Variants in PACRG observed in about 807,000 individuals in gnomAD.
PACRG encodes the protein parkin coregulated, also known as parkin coregulated gene protein.
In PACRG, 29 loss-of-function variants were observed where a neutral mutation model predicts 29.7. That is an observed-to-expected ratio of 0.98 (90% CI 0.73 to 1.33). PACRG has a LOEUF of 1.33. PACRG is among the 40% of genes most tolerant of loss of function. The pLI is 0.00. For synonymous variants in PACRG, 116 were observed against 118.7 expected (o/e 0.98, Z 0.15); for missense variants, 279 against 316.2 (o/e 0.88, Z 0.89).
At chr6:162,827,484 A>G (rs1241487894) in intron 2 of PACRG, among the ~76,000 whole-genome samples, 2 of 152,214 alleles carry the variant, frequency 1.3e-5, no homozygotes, top group African/African-American at 2.4e-5. Flanking sequence ...TGTCTGGCCA[A>G]TAATATTAGA....
chr6:162,998,553 G>A (rs1020019194), intron 2 of PACRG, among the ~76,000 whole-genome samples: 3 of 152,204 alleles, frequency 2.0e-5, no homozygotes, highest in Admixed American at 2.0e-4. Flanking sequence ...AGAAGTCTTT[G>A]TCCATTCTTC....
At chr6:163,120,688 G>T in intron 4 of PACRG, among the ~76,000 whole-genome samples, 1 of 149,074 alleles carries the variant, frequency 6.7e-6, no homozygotes, top group Non-Finnish European at 1.5e-5. Context: ...TTCTTTTTAA[G>T]AAAAAAAAAA....
intron 1 of PACRG, among the ~76,000 whole-genome samples, chr6:162,787,582 GTATATATATATATA>G (rs869254835): frequency 2.1e-4 from 13 of 62,418 alleles, no homozygotes; most frequent in Admixed American, 7.6e-4. Flanking sequence ...GTGTGTGTGT[GTATATATATATATA>G]TATATATATA....
At chr6:163,251,575 G>A (rs79832973) in intron 4 of PACRG, among the ~76,000 whole-genome samples, 1,673 of 152,170 alleles carry the variant, frequency 0.011, 33 homozygotes, top group African/African-American at 0.037. Context: ...TGTATTAATC[G>A]TCCTCTTCTT....
At chr6:162,897,507 G>A (rs1341232504) in intron 2 of PACRG, among the ~76,000 whole-genome samples, 1 of 152,160 alleles carries the variant, frequency 6.6e-6, no homozygotes, top group African/African-American at 2.4e-5. Context: ...CCAGGGAGTA[G>A]ACAGTGAATT....
At chr6:162,900,317 C>T (rs1795469387) in intron 2 of PACRG, among the ~76,000 whole-genome samples, 1 of 152,096 alleles carries the variant, frequency 6.6e-6, no homozygotes, top group South Asian at 2.1e-4. Context: ...TCTCTTCTTG[C>T]CTCAAACTTT....
chr6:162,791,303 G>GTTTTTTTT (rs1272846363), intron 1 of PACRG, among the ~76,000 whole-genome samples: 13 of 85,088 alleles, frequency 1.5e-4, no homozygotes, highest in African/African-American at 6.5e-4. Context: ...CTCCTAGTTT[G>GTTTTTTTT]TTTGTTTGTT....
intron 4 of PACRG, among the ~76,000 whole-genome samples, chr6:163,153,436 C>G (rs749699124): frequency 6.6e-6 from 1 of 152,118 alleles, no homozygotes; most frequent in Non-Finnish European, 1.5e-5. Flanking sequence ...ATGCTCCTTT[C>G]AAAATTGTTT....
intron 2 of PACRG, among the ~76,000 whole-genome samples, chr6:162,970,531 G>A (rs9355417): frequency 0.57 from 85,884 of 151,824 alleles, 24,588 homozygotes; most frequent in Middle Eastern, 0.71. Flanking sequence ...CAGTTTCCCA[G>A]CCTCTCTTCC....
At chr6:162,963,295 T>G (rs1474768996) in intron 2 of PACRG, among the ~76,000 whole-genome samples, 1 of 152,130 alleles carries the variant, frequency 6.6e-6, no homozygotes, top group Admixed American at 6.5e-5. Flanking sequence ...TATTAGACAT[T>G]AAAAGCTGTT....
intron 2 of PACRG, among the ~76,000 whole-genome samples, chr6:163,038,707 T>C (rs1472697692): frequency 2.6e-5 from 4 of 152,252 alleles, no homozygotes; most frequent in Admixed American, 1.3e-4. Context: ...GGTGACAGAA[T>C]ATAAACAAAT....
intron 2 of PACRG, among the ~76,000 whole-genome samples, chr6:162,814,549 C>T (rs904492832): frequency 3.3e-5 from 5 of 152,150 alleles, no homozygotes; most frequent in African/African-American, 1.2e-4. Context: ...TTATGAGAAC[C>T]TGGCAGCCCG....
At chr6:162,866,684 C>T (rs1792323679) in intron 2 of PACRG, among the ~76,000 whole-genome samples, 2 of 152,036 alleles carry the variant, frequency 1.3e-5, no homozygotes, top group African/African-American at 4.8e-5. Flanking sequence ...ACTGACTTTC[C>T]TACTTCCAAA....
intron 1 of PACRG, among the ~76,000 whole-genome samples, chr6:162,811,062 A>G (rs1002057319): frequency 5.9e-5 from 9 of 152,312 alleles, no homozygotes; most frequent in Admixed American, 5.9e-4. Flanking sequence ...GGCACCTTAT[A>G]AATAAGGGAA....
At chr6:162,904,072 G>A (rs1422857485) in intron 2 of PACRG, among the ~76,000 whole-genome samples, 3 of 152,112 alleles carry the variant, frequency 2.0e-5, no homozygotes, top group Non-Finnish European at 4.4e-5. Flanking sequence ...CTCAGGCAAG[G>A]GTTCTATGTT....
Position 162,772,118 on chromosome 6 carries a change from A to G in PACRG, c.157-42029A>G, listed in dbSNP as rs1346508192. On this transcript the variant is annotated intron_variant, in intron 1 of 4. Transcript: ENST00000366888. ...AGGGAGAAAACAGAAAATGCTTTCC[A>G]TGAATAATGAGTTAACCTGGGTTGT... is the stretch of plus-strand genomic sequence containing the variant. Among the ~76,000 whole-genome samples, 3 of 152,380 alleles carry G rather than the reference A, an allele frequency of 2.0e-5. No individual in the cohort carries two copies. In the East Asian group the frequency reaches 5.8e-4, roughly 29 times the overall value.
At chr6:163,036,883 T>G (rs1808244798) in intron 2 of PACRG, among the ~76,000 whole-genome samples, 1 of 151,620 alleles carries the variant, frequency 6.6e-6, no homozygotes, top group Non-Finnish European at 1.5e-5. Flanking sequence ...CATCCATCCA[T>G]CCATCCATCC....
chr6:163,305,627 A>G (rs1329718898), intron 4 of PACRG, among the ~76,000 whole-genome samples: 2 of 152,146 alleles, frequency 1.3e-5, no homozygotes, highest in Non-Finnish European at 1.5e-5. Flanking sequence ...CTTTGCCCAT[A>G]CTGACCATGT....
rs114065347 is a variant in PACRG at position 163,252,475 on chromosome 6, C to A, written c.614-62352C>A. On this transcript the variant is annotated intron_variant, in intron 4 of 4. Coordinates refer to ENST00000366888, the MANE Select transcript of PACRG (RefSeq NM_001080379.2). ...AGGCAGGGGCCGGAGAGGGCTGGGT[C>A]CCGTGGCTCTGACTGAGGAGGTGAC... 8.3e-3 allele frequency among the ~76,000 whole-genome samples: 1,257 copies of A among 152,312 alleles called. 14 individuals carry two copies. Among genetic ancestry groups the A allele is most frequent in the African/African-American group, 0.029 (1,211 of 41,576 alleles).
Sources: gnomAD v4.1 joint callset for allele counts (sites outside exome capture counted in the v4.1 genomes callset) on GRCh38, gnomAD v4.1.1 for gene constraint, MANE v1.5 for transcripts, NCBI Gene and HGNC (gene_info 2026-07-23, HGNC 2026-07-21) for gene names.